Variants in NTN1 observed in about 807,000 individuals in gnomAD.
NTN1 encodes the protein netrin 1.
In NTN1, 11 loss-of-function variants were observed where a neutral mutation model predicts 54.2. That is an observed-to-expected ratio of 0.20 (90% CI 0.13 to 0.34). The LOEUF is 0.34. Ranked by LOEUF, NTN1 falls within the 10% of genes least tolerant of loss-of-function variation. The pLI is 1.00. For synonymous variants in NTN1, 371 were observed against 382.0 expected, an observed-to-expected ratio of 0.97 and a Z score of 0.33; for missense variants, 740 against 893.1, an observed-to-expected ratio of 0.83 and a Z score of 2.18.
intron 2 of NTN1, among the ~76,000 whole-genome samples, chr17:9,153,859 T>C (rs886998017): frequency 1.6e-4 from 24 of 152,190 alleles, no homozygotes; most frequent in African/African-American, 5.8e-4. Context: ...CTCGCCTGGC[T>C]CTCATGCCCT....
intron 2 of NTN1, among the ~76,000 whole-genome samples, chr17:9,133,947 C>T (rs751724197): frequency 5.1e-5 from 7 of 137,112 alleles, no homozygotes; most frequent in African/African-American, 1.9e-4. Flanking sequence ...CTCTGTCTCC[C>T]GGGCTGAAGT....
chr17:9,148,725 G>C (rs138917659), intron 2 of NTN1, among the ~76,000 whole-genome samples: 1 of 151,960 alleles, frequency 6.6e-6, no homozygotes, highest in Non-Finnish European at 1.5e-5. Context: ...GGGGTCCAGC[G>C]TGCAGATTGG....
At chr17:9,064,075 C>T (rs1729954022) in intron 2 of NTN1, among the ~76,000 whole-genome samples, 1 of 152,142 alleles carries the variant, frequency 6.6e-6, no homozygotes, top group African/African-American at 2.4e-5. Flanking sequence ...GTTTATTGCT[C>T]TCCTTGGAGG....
In NTN1 at chr17:9,221,831, G is replaced by A. The variant is rs1043865477; in HGVS notation, c.1486+589G>A. Among the ~76,000 whole-genome samples, 17 of 152,126 alleles carry A rather than the reference G, an allele frequency of 1.1e-4. No homozygotes were observed. Among genetic ancestry groups the A allele is most frequent in the African/African-American group, 4.1e-4 (17 of 41,432 alleles). ...ACCTGTGACCTCAGGCTCCCTTCCC[G>A]GGAAGGGTGTGTCCTGTCCCCTTGC... On this transcript the variant is annotated intron_variant, in intron 6 of 6. Coordinates refer to ENST00000173229, the MANE Select transcript of NTN1 (RefSeq NM_004822.3). This position sits in a 1 kb window ranked among gnomAD's most constrained non-coding sequence, Gnocchi z 4.5.
the NTN1 span, among the ~76,000 whole-genome samples, chr17:9,012,278 G>C: frequency 6.6e-6 from 1 of 152,026 alleles, no homozygotes; most frequent in Non-Finnish European, 1.5e-5. Flanking sequence ...TTGGGAGGCC[G>C]AGGTGGGTGG....
At chr17:9,097,282 G>C (rs1238462855) in intron 2 of NTN1, among the ~76,000 whole-genome samples, 1 of 152,138 alleles carries the variant, frequency 6.6e-6, no homozygotes, top group Non-Finnish European at 1.5e-5. Context: ...GTAACATTTT[G>C]TGTCCTTCCA....
chr17:9,229,711 T>C (rs930905489), intron 6 of NTN1, among the ~76,000 whole-genome samples: 4 of 151,880 alleles, frequency 2.6e-5, no homozygotes, highest in African/African-American at 7.3e-5. Flanking sequence ...CTGGGCATAG[T>C]GGCAGGGATG....
At chr17:9,030,117 G>A (rs1002174492) in intron 2 of NTN1, among the ~76,000 whole-genome samples, 16 of 152,156 alleles carry the variant, frequency 1.1e-4, no homozygotes, top group African/African-American at 3.1e-4. Flanking sequence ...GGAGAGAAGG[G>A]ACTGTGGCCA....
Position 9,210,611 on chromosome 17 carries a change from G to A in NTN1, c.1412-10557G>A, listed in dbSNP as rs558412248. On this transcript the variant is annotated intron_variant, in intron 5 of 6. Coordinates refer to ENST00000173229, the MANE Select transcript of NTN1 (RefSeq NM_004822.3). ...TTGTAAGTAAATGGTCCTCATCCTC[G>A]CTAAGAAGAGCCTCACCTCGGCCGG... Among the ~76,000 whole-genome samples, 7 of 152,088 alleles carry A rather than the reference G, an allele frequency of 4.6e-5. No homozygotes were observed. The South Asian group carries it at 1.0e-3, about 23-fold the overall frequency.
chr17:9,124,289 A>G (rs1464855731), intron 2 of NTN1, among the ~76,000 whole-genome samples: 1 of 152,186 alleles, frequency 6.6e-6, no homozygotes, highest in African/African-American at 2.4e-5. Flanking sequence ...CAGGGTGGAA[A>G]TGTGGCAGAG....
At position 9,239,177 on chromosome 17, in the gene NTN1, G is replaced by C. The variant is rs1434898777; in HGVS notation, c.1487-463G>C. Among the ~76,000 whole-genome samples, 1 of 152,174 alleles carries C rather than the reference G, an allele frequency of 6.6e-6. No homozygotes were observed. The highest frequency in any genetic ancestry group is 1.5e-5 in the Non-Finnish European group (1 of 68,028). ...TTGAGGACCCATTATGGTTTTCTGAGGCTGGTTGGAGGGCCAGGCTGTGTG... is the reference window on the plus strand; with the variant it reads ...TTGAGGACCCATTATGGTTTTCTGACGCTGGTTGGAGGGCCAGGCTGTGTG... On this transcript the variant is annotated intron_variant, in intron 6 of 6. Coordinates refer to ENST00000173229, the MANE Select transcript of NTN1 (RefSeq NM_004822.3). The surrounding 1 kb of genome is among the most constrained non-coding windows in gnomAD (Gnocchi z 5.2).
chr17:9,180,904 T>C (rs1597523350), intron 4 of NTN1, among the ~76,000 whole-genome samples: 1 of 152,186 alleles, frequency 6.6e-6, no homozygotes, highest in East Asian at 1.9e-4. Context: ...TTTGTCAAAA[T>C]CCTTCTGTCC....
chr17:9,012,224 G>A, the NTN1 span, among the ~76,000 whole-genome samples: 1 of 151,900 alleles, frequency 6.6e-6, no homozygotes, highest in East Asian at 2.0e-4. Flanking sequence ...ACTTAAACAA[G>A]CTCTGGGCCA....
intron 2 of NTN1, among the ~76,000 whole-genome samples, chr17:9,084,018 G>A (rs958418805): frequency 6.6e-6 from 1 of 152,210 alleles, no homozygotes; most frequent in Non-Finnish European, 1.5e-5. Context: ...TATCATGGGG[G>A]TGATGATCCA....
chr17:9,168,304 G>T (rs985854267), intron 3 of NTN1, among the ~76,000 whole-genome samples: 2 of 152,114 alleles, frequency 1.3e-5, no homozygotes, highest in African/African-American at 4.8e-5. Context: ...AGGCCACGGC[G>T]GGCGGATTAC....
At chr17:9,171,148 A>G (rs924745363) in intron 3 of NTN1, 7 of 152,208 alleles carry the variant, frequency 4.6e-5, no homozygotes, top group Non-Finnish European at 1.0e-4. Context: ...GCTTCAGAGG[A>G]GGTTGACACA....
At chr17:9,131,079 C>T (rs1293741278) in intron 2 of NTN1, among the ~76,000 whole-genome samples, 1 of 152,208 alleles carries the variant, frequency 6.6e-6, no homozygotes, top group East Asian at 1.9e-4. Flanking sequence ...ACTCTTAACT[C>T]AGGGCCTTTG....
intron 3 of NTN1, 130 bp downstream of exon 3, chr17:9,163,131 CTCTT>C (rs1370099089): frequency 7.7e-6 from 6 of 779,812 alleles, no homozygotes; most frequent in African/African-American, 5.5e-5. Flanking sequence ...TCATCTCTCT[CTCTT>C]TCTCTCTCTG....
intron 2 of NTN1, among the ~76,000 whole-genome samples, chr17:9,123,870 A>C (rs1311925647): frequency 6.6e-6 from 1 of 152,234 alleles, no homozygotes; most frequent in Non-Finnish European, 1.5e-5. Flanking sequence ...GTAAAACACC[A>C]TGAAAAATGT....
Sources: allele counts gnomAD v4.1 joint callset (sites outside exome capture counted in the v4.1 genomes callset), GRCh38; gene constraint gnomAD v4.1.1; non-coding constraint Gnocchi (gnomAD v3.1); transcripts MANE v1.5; gene names NCBI Gene and HGNC (gene_info 2026-07-23, HGNC 2026-07-21).